The following SYT14 variants were observed in gnomAD, a reference collection of about 807,000 sequenced individuals.
SYT14 encodes the protein synaptotagmin 14.
Under a neutral mutation model 74.2 loss-of-function variants are expected in SYT14, and 32 were observed. That is an observed-to-expected ratio of 0.43 (90% CI 0.33 to 0.58). The LOEUF is 0.58. SYT14 is among the 20% of genes least tolerant of loss of function. The pLI is 0.05. For missense variants in SYT14, 791 were observed against 981.8 expected (o/e 0.81, Z 2.60); for synonymous variants, 298 against 337.7 (o/e 0.88, Z 1.29).
At chr1:210,021,511 A>G (rs975988479) in intron 5 of SYT14, among the ~76,000 whole-genome samples, 40 of 152,360 alleles carry the variant, frequency 2.6e-4, no homozygotes, top group African/African-American at 9.1e-4. Flanking sequence ...CACAGTGAAC[A>G]TATGCTTAGC....
chr1:210,035,869 G>A (rs987884161), intron 5 of SYT14, among the ~76,000 whole-genome samples: 1 of 151,966 alleles, frequency 6.6e-6, no homozygotes, highest in African/African-American at 2.4e-5. Flanking sequence ...TTTTGCTTAA[G>A]GTTATTTTGG....
intron 2 of SYT14, among the ~76,000 whole-genome samples, chr1:210,010,264 G>A (rs2080062408): frequency 6.6e-6 from 1 of 152,084 alleles, no homozygotes; most frequent in Non-Finnish European, 1.5e-5. Context: ...AGCTCCTCTG[G>A]TATATTCTTA....
At chr1:210,108,261 A>G (rs1286340948) in intron 7 of SYT14, among the ~76,000 whole-genome samples, 1 of 135,444 alleles carries the variant, frequency 7.4e-6, no homozygotes, top group East Asian at 2.1e-4. Flanking sequence ...AATTGGAGAA[A>G]AGAGAGGTAA....
intron 7 of SYT14, among the ~76,000 whole-genome samples, chr1:210,153,894 AT>A (rs2083217731): frequency 6.6e-6 from 1 of 152,172 alleles, no homozygotes; most frequent in Non-Finnish European, 1.5e-5. Flanking sequence ...TTGCTGATGT[AT>A]ATTTAGGATT....
intron 5 of SYT14, among the ~76,000 whole-genome samples, chr1:210,087,743 C>T (rs2081765548): frequency 6.6e-6 from 1 of 152,160 alleles, no homozygotes; most frequent in Non-Finnish European, 1.5e-5. Flanking sequence ...TGGACATGGA[C>T]ACCCTTCTGT....
At chr1:210,048,977 G>A (rs777373812) in intron 5 of SYT14, among the ~76,000 whole-genome samples, 8 of 152,336 alleles carry the variant, frequency 5.3e-5, no homozygotes, top group Middle Eastern at 3.4e-3. Flanking sequence ...TTAAAGCTCC[G>A]AAATTATCTC....
intron 7 of SYT14, among the ~76,000 whole-genome samples, chr1:210,125,306 T>C (rs952765761): frequency 1.3e-4 from 20 of 149,928 alleles, no homozygotes; most frequent in Admixed American, 9.4e-4. Flanking sequence ...TGAGAACATA[T>C]GGATTTGATT....
At chr1:209,966,435 G>A (rs943813403) in intron 2 of SYT14, among the ~76,000 whole-genome samples, 5 of 152,066 alleles carry the variant, frequency 3.3e-5, no homozygotes, top group African/African-American at 9.7e-5. Context: ...TGGATAAAAT[G>A]GACATTTATT....
intron 7 of SYT14, among the ~76,000 whole-genome samples, chr1:210,153,777 A>G (rs369292066): frequency 2.6e-5 from 4 of 152,168 alleles, no homozygotes; most frequent in South Asian, 2.1e-4. Context: ...ACTAGCTGGT[A>G]TCTCCACTAC....
intron 8 of SYT14, among the ~76,000 whole-genome samples, chr1:210,158,399 T>A (rs748145952): frequency 6.6e-6 from 1 of 152,162 alleles, no homozygotes; most frequent in Non-Finnish European, 1.5e-5. Context: ...TTGTTTAGGG[T>A]CACATTGAGC....
chr1:209,938,341 G>A, intron 1 of SYT14, 64 bp downstream of exon 1: 1 of 1,502,618 alleles, frequency 6.7e-7, no homozygotes, highest in Admixed American at 2.0e-5. Flanking sequence ...GGGCTCGGAG[G>A]TGCGCCGGCA....
chr1:210,094,466 A>G lies in SYT14; in HGVS notation c.1457A>G (p.Asn486Ser), dbSNP rs200087065. ...AAATGTGAATTTTCCCACTGCAGCA[A>G]CAGTCCAAGATGCTCATATAACAAG... Residue 486 changes from asparagine (N) to serine (S), a missense_variant, in exon 6 of 10, where the codon AAC becomes AGC. Transcript: ENST00000637265. 7.6e-5 allele frequency: 123 copies of G among 1,613,884 alleles called. No homozygotes were observed. The highest frequency in any genetic ancestry group is 9.2e-5 in the Non-Finnish European group (108 of 1,179,988).
At chr1:209,967,864 C>G (rs979127872) in intron 2 of SYT14, among the ~76,000 whole-genome samples, 7 of 151,848 alleles carry the variant, frequency 4.6e-5, no homozygotes, top group African/African-American at 1.5e-4. Context: ...TTTATTAGCT[C>G]TTCTTTTTCT....
At chr1:210,146,840 T>G (rs962835697) in intron 7 of SYT14, among the ~76,000 whole-genome samples, 1 of 151,432 alleles carries the variant, frequency 6.6e-6, no homozygotes, top group Non-Finnish European at 1.5e-5. Flanking sequence ...ACTATATGTA[T>G]GTATGTACTA....
At chr1:209,976,239 C>T (rs2079361358) in intron 2 of SYT14, among the ~76,000 whole-genome samples, 1 of 151,224 alleles carries the variant, frequency 6.6e-6, no homozygotes, top group East Asian at 1.9e-4. Flanking sequence ...TTCTTGCCTT[C>T]TGCTAGCTTT....
chr1:209,966,972 A>G (rs60490946), intron 2 of SYT14, among the ~76,000 whole-genome samples: 2,841 of 152,226 alleles, frequency 0.019, 106 homozygotes, highest in African/African-American at 0.064. Flanking sequence ...ATGATGTTAG[A>G]TGTTTTTGCC....
intron 5 of SYT14, among the ~76,000 whole-genome samples, chr1:210,078,807 T>A (rs1044214617): frequency 1.3e-5 from 2 of 151,754 alleles, no homozygotes; most frequent in Non-Finnish European, 2.9e-5. Context: ...AGTGCACTGA[T>A]GTTATCATGG....
At chr1:210,117,249 GTTA>G (rs1051073926) in intron 7 of SYT14, among the ~76,000 whole-genome samples, 12 of 151,938 alleles carry the variant, frequency 7.9e-5, no homozygotes, top group African/African-American at 2.9e-4. Flanking sequence ...TGTTTATACT[GTTA>G]TTTTTATTTT....
exon 10 of SYT14, chr1:210,170,992 A>G (rs952748999): frequency 2.0e-5 from 3 of 152,336 alleles, no homozygotes; most frequent in Admixed American, 1.3e-4. Flanking sequence ...TTCAGCTGGA[A>G]TATGAACTGT....
Sources: gnomAD v4.1 joint callset for allele counts (sites outside exome capture counted in the v4.1 genomes callset) on GRCh38, gnomAD v4.1.1 for gene constraint, MANE v1.5 for transcripts, NCBI Gene and HGNC (gene_info 2026-07-23, HGNC 2026-07-21) for gene names.